ETFA: variants seen among roughly 807,000 people sequenced by gnomAD.
ETFA encodes the protein electron transfer flavoprotein subunit alpha, mitochondrial.
A neutral mutation model predicts 46.2 loss-of-function variants in ETFA; 22 were observed. The ratio of observed to expected loss-of-function variants is 0.48; its 90% CI spans 0.34 to 0.68. The LOEUF (loss-of-function observed/expected upper bound fraction) is 0.68. ETFA is among the 30% of genes least tolerant of loss of function. The pLI is 0.01. For missense variants in ETFA, 345 were observed against 401.1 expected, an observed-to-expected ratio of 0.86 and a Z score of 1.19; for synonymous variants, 131 against 139.9, an observed-to-expected ratio of 0.94 and a Z score of 0.45.
chr15:76,268,045 T>C (rs901112127), intron 9 of ETFA, among the ~76,000 whole-genome samples: 1 of 152,134 alleles, frequency 6.6e-6, no homozygotes, highest in African/African-American at 2.4e-5. Flanking sequence ...AGGATAAGCC[T>C]CGATTTGGTT....
At chr15:76,292,377 A>C in intron 4 of ETFA, 54 bp downstream of exon 4, 1 of 1,211,412 alleles carries the variant, frequency 8.3e-7, no homozygotes, top group Non-Finnish European at 1.2e-6. Flanking sequence ...CAGCACAATG[A>C]AATCTAACCC....
intron 11 of ETFA, among the ~76,000 whole-genome samples, chr15:76,216,810 C>G (rs1236214268): frequency 6.7e-6 from 1 of 150,176 alleles, no homozygotes; most frequent in South Asian, 2.1e-4. Context: ...ACAGGGCTTA[C>G]AGCCCACTCA....
chr15:76,293,699 T>C (rs1442086240), intron 2 of ETFA, among the ~76,000 whole-genome samples: 1 of 152,234 alleles, frequency 6.6e-6, no homozygotes, highest in African/African-American at 2.4e-5. Context: ...CACTGATGAG[T>C]AGGATTAAAA....
chr15:76,227,054 ATATCTCT>A (rs2039011599), intron 10 of ETFA, among the ~76,000 whole-genome samples: 2 of 152,284 alleles, frequency 1.3e-5, no homozygotes, highest in Admixed American at 1.3e-4. Context: ...CAAATTACTT[ATATCTCT>A]TATAAAAGCT....
At chr15:76,246,560 G>A (rs1402481290) in intron 9 of ETFA, among the ~76,000 whole-genome samples, 1 of 152,122 alleles carries the variant, frequency 6.6e-6, no homozygotes, top group African/African-American at 2.4e-5. Flanking sequence ...GGTTGGGCAC[G>A]GTGGCTCACA....
intron 1 of ETFA, among the ~76,000 whole-genome samples, chr15:76,307,389 C>T (rs933287019): frequency 6.6e-6 from 1 of 151,764 alleles, no homozygotes; most frequent in African/African-American, 2.4e-5. Context: ...TCAGTCAGAA[C>T]TAAAAATGGA....
chr15:76,273,249 GAACA>G (rs1331787595), intron 9 of ETFA, among the ~76,000 whole-genome samples: 2 of 152,056 alleles, frequency 1.3e-5, no homozygotes, highest in African/African-American at 4.8e-5. Flanking sequence ...CAAAAGACTT[GAACA>G]AATACTTCGA....
At chr15:76,260,630 T>C in intron 9 of ETFA, 1 of 1,531,042 alleles carries the variant, frequency 6.5e-7, no homozygotes. Context: ...CCCAGGACAG[T>C]TTATAGGGTC....
chr15:76,221,285 G>A (rs1180039710), intron 11 of ETFA, among the ~76,000 whole-genome samples: 2 of 152,174 alleles, frequency 1.3e-5, no homozygotes, highest in African/African-American at 4.8e-5. Flanking sequence ...CCAATGTATA[G>A]AAACAGAAAG....
intron 10 of ETFA, among the ~76,000 whole-genome samples, chr15:76,226,932 T>C (rs111269782): frequency 1.3e-5 from 2 of 152,158 alleles, no homozygotes; most frequent in African/African-American, 4.8e-5. Flanking sequence ...AAAACAATTA[T>C]TCTGGGATAT....
intron 9 of ETFA, among the ~76,000 whole-genome samples, chr15:76,235,094 G>A (rs1191992884): frequency 6.6e-6 from 1 of 152,172 alleles, no homozygotes; most frequent in African/African-American, 2.4e-5. Flanking sequence ...GGCCATTCAT[G>A]TAACCTCTCT....
chr15:76,236,640 A>G (rs2039125484), intron 9 of ETFA, among the ~76,000 whole-genome samples: 1 of 152,228 alleles, frequency 6.6e-6, no homozygotes. Flanking sequence ...AAGGAAAGTC[A>G]GCAGTGTGGC....
chr15:76,227,583 C>A, intron 10 of ETFA: 2 of 298,468 alleles, frequency 6.7e-6, no homozygotes, highest in Non-Finnish European at 1.3e-5. Flanking sequence ...TTTATCAGTA[C>A]AAATAGTTTG....
intron 9 of ETFA, chr15:76,261,368 C>T (rs1391307308): frequency 2.3e-6 from 3 of 1,299,842 alleles, no homozygotes; most frequent in Admixed American, 1.8e-5. Context: ...CAGTACTGGC[C>T]CGTGTCAGAG....
At chr15:76,219,830 CAA>C (rs1177271584) in intron 11 of ETFA, among the ~76,000 whole-genome samples, 1 of 152,168 alleles carries the variant, frequency 6.6e-6, no homozygotes, top group Admixed American at 6.5e-5. Flanking sequence ...CAGAAAATAA[CAA>C]GTGTTACTGA....
intron 9 of ETFA, among the ~76,000 whole-genome samples, chr15:76,243,168 G>A (rs2039208522): frequency 6.6e-6 from 1 of 152,062 alleles, no homozygotes; most frequent in African/African-American, 2.4e-5. Context: ...GGTGGCACAT[G>A]CCTGTAGTCT....
chr15:76,288,081 G>C, intron 4 of ETFA, 136 bp from the exon 5 acceptor site: 1 of 666,486 alleles, frequency 1.5e-6, no homozygotes, highest in Non-Finnish European at 2.7e-6. Context: ...GTGCACCTTT[G>C]GATACACAAC....
intron 9 of ETFA, among the ~76,000 whole-genome samples, chr15:76,248,548 A>T (rs1408243336): frequency 3.3e-5 from 5 of 152,230 alleles, no homozygotes; most frequent in African/African-American, 4.8e-5. Context: ...AACCACATTA[A>T]AATTAATGCT....
intron 9 of ETFA, among the ~76,000 whole-genome samples, chr15:76,241,280 C>T (rs961695013): frequency 4.6e-5 from 7 of 151,718 alleles, no homozygotes; most frequent in African/African-American, 9.7e-5. Flanking sequence ...GTGGGAGGAT[C>T]GCTTGAGGCC....
Sources: gnomAD v4.1 joint callset for allele counts (sites outside exome capture counted in the v4.1 genomes callset) on GRCh38, gnomAD v4.1.1 for gene constraint, MANE v1.5 for transcripts, NCBI Gene and HGNC (gene_info 2026-07-23, HGNC 2026-07-21) for gene names.